Variants in ZNF618 observed in about 807,000 individuals in gnomAD.
ZNF618 encodes the protein neural precursor cell expressed, developmentally down-regulated 10.
A neutral mutation model predicts 103.0 loss-of-function variants in ZNF618; 34 were observed. That is an observed-to-expected ratio of 0.33 (90% CI 0.25 to 0.44). The LOEUF is 0.44. ZNF618 is among the 20% of genes least tolerant of loss of function. ZNF618 has a pLI of 1.00. For synonymous variants in ZNF618, 551 were observed against 542.2 expected, an observed-to-expected ratio of 1.02 and a Z score of -0.23; for missense variants, 1,059 against 1,295.4, an observed-to-expected ratio of 0.82 and a Z score of 2.80.
chr9:114,042,310 A>G (rs1431212579), intron 13 of ZNF618, among the ~76,000 whole-genome samples: 5 of 152,238 alleles, frequency 3.3e-5, no homozygotes, highest in Non-Finnish European at 2.9e-5. Flanking sequence ...AAAATTTACC[A>G]ATTTGAAGAG....
intron 6 of ZNF618, among the ~76,000 whole-genome samples, chr9:114,003,034 G>A (rs1242053060): frequency 1.3e-5 from 2 of 152,242 alleles, no homozygotes; most frequent in African/African-American, 2.4e-5. Context: ...CCCTGGATAT[G>A]CGGGTCCTTG....
chr9:113,921,237 G>A (rs1346046627), intron 1 of ZNF618, among the ~76,000 whole-genome samples: 2 of 152,188 alleles, frequency 1.3e-5, no homozygotes, highest in Admixed American at 6.5e-5. Context: ...TCGCCTTTCT[G>A]GTCCGTTTCC....
chr9:113,940,800 C>T (rs1176763268), intron 1 of ZNF618, among the ~76,000 whole-genome samples: 4 of 152,162 alleles, frequency 2.6e-5, no homozygotes, highest in African/African-American at 4.8e-5. Flanking sequence ...TCTGTAATCC[C>T]CTTTATTTTA....
intron 2 of ZNF618, among the ~76,000 whole-genome samples, chr9:113,971,922 G>T (rs1838010253): frequency 6.6e-6 from 1 of 152,150 alleles, no homozygotes; most frequent in Non-Finnish European, 1.5e-5. Flanking sequence ...ATCAGGAAGG[G>T]CCACCCAAAC....
intron 14 of ZNF618, among the ~76,000 whole-genome samples, chr9:114,048,321 G>A (rs1461272982): frequency 1.3e-5 from 2 of 152,170 alleles, no homozygotes. Context: ...ATTTCCTGAA[G>A]ATTCCCATAT....
In ZNF618 at chr9:114,028,764, T is replaced by C. The variant is rs770100511; in HGVS notation, c.876T>C (p.Asp292=). 3 of 1,550,338 alleles carry C rather than the reference T, an allele frequency of 1.9e-6. No homozygotes were observed. Among genetic ancestry groups the C allele is most frequent in the Non-Finnish European group, 2.6e-6 (3 of 1,146,932 alleles). Residue 292 remains aspartate, a synonymous_variant, in exon 11 of 15, where the codon GAT becomes GAC. Transcript: ENST00000374126. ...CCCCCGGGTGGGAGCCACCGGATGA[T>C]CCAGACACGGGCTCTGAGTGTTCAC... The part of the protein sequence containing the change: ...STAPGWEPPD[D]PDTGSECSHP...
Position 113,981,097 on chromosome 9 carries a change from A to G in ZNF618, c.78-7224A>G, listed in dbSNP as rs114678090. ...AATGCATTTAACATCCCATGCATGC[A>G]TGCATTCATGGAGAGTGTATTTAAG... On this transcript the variant is annotated intron_variant, in intron 2 of 14. Transcript: ENST00000374126. Among the ~76,000 whole-genome samples the G allele has an allele frequency of 2.6e-3, 403 of 152,346 alleles. 2 individuals are homozygous for G. Among genetic ancestry groups the G allele is most frequent in the African/African-American group, 8.8e-3 (368 of 41,582 alleles).
At chr9:113,877,358 TA>T (rs1454328295) in intron 1 of ZNF618, among the ~76,000 whole-genome samples, 1 of 152,186 alleles carries the variant, frequency 6.6e-6, no homozygotes, top group Non-Finnish European at 1.5e-5. Context: ...ATGAAGCAAT[TA>T]GAAATTGTAC....
At chr9:114,000,393 C>T (rs781022840) in intron 4 of ZNF618, among the ~76,000 whole-genome samples, 12 of 152,188 alleles carry the variant, frequency 7.9e-5, no homozygotes, top group African/African-American at 1.2e-4. Context: ...CTTGTCCAGC[C>T]CACGGCCCGT....
At chr9:113,974,300 G>A (rs1838283606) in intron 2 of ZNF618, among the ~76,000 whole-genome samples, 2 of 152,186 alleles carry the variant, frequency 1.3e-5, no homozygotes, top group Non-Finnish European at 2.9e-5. Context: ...TTTGGGAGAA[G>A]TGCATTCCAG....
At chr9:113,935,247 C>T (rs1833932536) in intron 1 of ZNF618, among the ~76,000 whole-genome samples, 1 of 152,208 alleles carries the variant, frequency 6.6e-6, no homozygotes, top group Non-Finnish European at 1.5e-5. Flanking sequence ...GGTAGTGCCC[C>T]TGTGGGAGCA....
At chr9:113,990,279 C>G (rs1839912346) in intron 3 of ZNF618, among the ~76,000 whole-genome samples, 1 of 152,076 alleles carries the variant, frequency 6.6e-6, no homozygotes, top group Non-Finnish European at 1.5e-5. Context: ...TTAGAGGGGC[C>G]CTGTCTGTGC....
intron 2 of ZNF618, among the ~76,000 whole-genome samples, chr9:113,977,189 T>G (rs1535763): frequency 0.28 from 41,966 of 151,862 alleles, 7,247 homozygotes; most frequent in East Asian, 0.6. Context: ...CATGGAGAGA[T>G]AGCAAAGCTA....
At chr9:113,990,442 A>T (rs1462527136) in intron 3 of ZNF618, among the ~76,000 whole-genome samples, 2 of 152,236 alleles carry the variant, frequency 1.3e-5, no homozygotes, top group African/African-American at 4.8e-5. Context: ...GCAGCTGTCA[A>T]GGTGGGGCCA....
intron 2 of ZNF618, among the ~76,000 whole-genome samples, chr9:113,978,058 GT>G (rs1206605399): frequency 3.3e-5 from 5 of 152,154 alleles, no homozygotes; most frequent in Non-Finnish European, 7.4e-5. Context: ...GTTAAGAGTT[GT>G]TTAATAGGTT....
At chr9:113,879,617 T>A (rs1828316870) in intron 1 of ZNF618, among the ~76,000 whole-genome samples, 1 of 152,004 alleles carries the variant, frequency 6.6e-6, no homozygotes, top group African/African-American at 2.4e-5. Context: ...TTAGCTCCTG[T>A]CTGTTCACCA....
intron 1 of ZNF618, among the ~76,000 whole-genome samples, chr9:113,911,517 C>T (rs993105578): frequency 1.3e-5 from 2 of 151,050 alleles, no homozygotes; most frequent in South Asian, 2.1e-4. Context: ...TTAGTAGAGA[C>T]GGGGTTTCAC....
intron 12 of ZNF618, among the ~76,000 whole-genome samples, chr9:114,035,410 G>A (rs1458928172): frequency 6.6e-6 from 1 of 152,150 alleles, no homozygotes; most frequent in Non-Finnish European, 1.5e-5. Flanking sequence ...GGCGGGTGGA[G>A]CAGTTTGGAC....
At chr9:113,957,576 C>T (rs548460887) in intron 1 of ZNF618, among the ~76,000 whole-genome samples, 7 of 152,284 alleles carry the variant, frequency 4.6e-5, no homozygotes, top group African/African-American at 1.7e-4. Context: ...CTGGTGAGGC[C>T]GTCCAGACAT....
Sources: gnomAD v4.1 joint callset for allele counts (sites outside exome capture counted in the v4.1 genomes callset) on GRCh38, gnomAD v4.1.1 for gene constraint, MANE v1.5 for transcripts, NCBI Gene and HGNC (gene_info 2026-07-23, HGNC 2026-07-21) for gene names.